The following RAPGEF4 variants were observed in gnomAD, a reference collection of about 807,000 sequenced individuals.
RAPGEF4 encodes RAP guanine-nucleotide-exchange factor (GEF) 4.
Under a neutral mutation model 147.9 loss-of-function variants are expected in RAPGEF4, and 66 were observed. That is an observed-to-expected ratio of 0.45 (90% confidence interval 0.37 to 0.55). The LOEUF (loss-of-function observed/expected upper bound fraction) is 0.55. Among genes scored for constraint, RAPGEF4 ranks in the 20% least tolerant of loss-of-function variants. RAPGEF4 has a pLI of 0.00. For synonymous variants in RAPGEF4, 419 were observed against 442.7 expected, an observed-to-expected ratio of 0.95 and a Z score of 0.67; for missense variants, 1,071 against 1,257.3, an observed-to-expected ratio of 0.85 and a Z score of 2.24.
chr2:172,845,136 T>G (rs1347278850), intron 4 of RAPGEF4, among the ~76,000 whole-genome samples: 2 of 152,180 alleles, frequency 1.3e-5, no homozygotes, highest in African/African-American at 4.8e-5. Context: ...CTAGGGCATT[T>G]GCAATAGGGA....
chr2:172,987,113 G>A (rs1692344097), intron 12 of RAPGEF4, among the ~76,000 whole-genome samples: 1 of 152,120 alleles, frequency 6.6e-6, no homozygotes, highest in African/African-American at 2.4e-5. Flanking sequence ...AGGAGTTCGA[G>A]ATCAGCCTGG....
intron 6 of RAPGEF4, among the ~76,000 whole-genome samples, chr2:172,959,259 T>C (rs1354526529): frequency 6.6e-6 from 1 of 152,174 alleles, no homozygotes; most frequent in Non-Finnish European, 1.5e-5. Context: ...GGAAATCTCT[T>C]TTGTTTGTTT....
In RAPGEF4 at chr2:172,934,803, G is replaced by T. The variant is rs145993372; in HGVS notation, c.537+12503G>T. 1.0e-3 allele frequency among the ~76,000 whole-genome samples: 157 copies of T among 151,896 alleles called. 1 individual carries two copies. The South Asian group carries it at 0.012, about 12-fold the overall frequency. ...ACCCCAACATTCTCCCTCTTCACAAGGCTACAGAATTATTAGGTTACTATA... is the reference window on the plus strand; with the variant it reads ...ACCCCAACATTCTCCCTCTTCACAATGCTACAGAATTATTAGGTTACTATA... On this transcript the variant is annotated intron_variant, in intron 6 of 30. Coordinates refer to ENST00000397081, the MANE Select transcript of RAPGEF4 (RefSeq NM_007023.4).
At chr2:172,946,741 A>G (rs751241969) in intron 6 of RAPGEF4, among the ~76,000 whole-genome samples, 15 of 152,184 alleles carry the variant, frequency 9.9e-5, no homozygotes, top group Non-Finnish European at 1.9e-4. Flanking sequence ...TTCTGACTCT[A>G]TAAAATACTT....
chr2:172,925,457 T>G (rs747924237), intron 6 of RAPGEF4, among the ~76,000 whole-genome samples: 2 of 152,228 alleles, frequency 1.3e-5, no homozygotes, highest in African/African-American at 4.8e-5. Flanking sequence ...TTATTTTGTC[T>G]ACTATTTATT....
chr2:172,930,825 A>G (rs1344356094), intron 6 of RAPGEF4, among the ~76,000 whole-genome samples: 1 of 152,212 alleles, frequency 6.6e-6, no homozygotes, highest in Non-Finnish European at 1.5e-5. Context: ...CCATCCAGAC[A>G]TAAAAGAAAC....
At chr2:172,784,384 G>A (rs535725951) in intron 1 of RAPGEF4, among the ~76,000 whole-genome samples, 26 of 152,106 alleles carry the variant, frequency 1.7e-4, no homozygotes, top group Admixed American at 7.9e-4. Context: ...CGGGCATGGT[G>A]GCAGGCCCCT....
rs752137976 is a variant in RAPGEF4, at chr2:172,996,446, C to A, written c.1491-20C>A. On this transcript the variant is annotated intron_variant, in intron 15 of 30. Coordinates refer to ENST00000397081, the MANE Select transcript of RAPGEF4 (RefSeq NM_007023.4). ...TTGCCCACTTTTGAAAAATTAATGG[C>A]ATTTTTGTTTCTTATCCAGGTATAC... 1 of 1,419,240 alleles carries A rather than the reference C, an allele frequency of 7.0e-7. No homozygotes were observed. Among genetic ancestry groups the A allele is most frequent in the Non-Finnish European group, 9.5e-7 (1 of 1,055,082 alleles). The allele number at this position is 1,419,240 out of a possible 1,614,324, so 87.9% of individuals were successfully genotyped here.
At chr2:172,772,648 C>T (rs1487504611) in intron 1 of RAPGEF4, among the ~76,000 whole-genome samples, 3 of 152,166 alleles carry the variant, frequency 2.0e-5, no homozygotes, top group African/African-American at 4.8e-5. Flanking sequence ...CCAGCTAAAA[C>T]ATTATTTTAA....
intron 1 of RAPGEF4, among the ~76,000 whole-genome samples, chr2:172,755,115 A>G (rs970810704): frequency 6.6e-6 from 1 of 152,156 alleles, no homozygotes; most frequent in Non-Finnish European, 1.5e-5. Context: ...ACCCTGAGGA[A>G]TACTCTGGGA....
intron 4 of RAPGEF4, among the ~76,000 whole-genome samples, chr2:172,826,974 A>AG (rs1689738650): frequency 6.6e-6 from 1 of 152,118 alleles, no homozygotes; most frequent in South Asian, 2.1e-4. Context: ...CAAAAAAAAA[A>AG]AGAAAAGTAT....
intron 29 of RAPGEF4, among the ~76,000 whole-genome samples, chr2:173,044,245 C>T (rs1316865356): frequency 7.8e-6 from 1 of 128,390 alleles, no homozygotes; most frequent in Non-Finnish European, 1.5e-5. Flanking sequence ...ATTGCCGTGG[C>T]ATTTGTAAAC....
intron 1 of RAPGEF4, among the ~76,000 whole-genome samples, chr2:172,773,413 T>C (rs941594786): frequency 6.6e-6 from 1 of 152,234 alleles, no homozygotes; most frequent in East Asian, 1.9e-4. Flanking sequence ...TTAGTGCTAC[T>C]TTCATGCAGT....
chr2:173,017,873 G>A (rs964650476), intron 21 of RAPGEF4, among the ~76,000 whole-genome samples: 1 of 152,158 alleles, frequency 6.6e-6, no homozygotes, highest in Non-Finnish European at 1.5e-5. Flanking sequence ...CCTGCCCAGG[G>A]ACAATGCTCT....
intron 1 of RAPGEF4, among the ~76,000 whole-genome samples, chr2:172,784,091 C>G (rs914008354): frequency 6.6e-6 from 1 of 152,136 alleles, no homozygotes; most frequent in Admixed American, 6.5e-5. Flanking sequence ...CACCTTGATA[C>G]TTGCTGTAGA....
intron 16 of RAPGEF4, among the ~76,000 whole-genome samples, chr2:173,000,887 G>T (rs2105799070): frequency 6.6e-6 from 1 of 150,564 alleles, no homozygotes; most frequent in South Asian, 2.2e-4. Context: ...ACATAAAAGA[G>T]AAAGGATTTT....
chr2:172,902,711 A>G (rs1404427033), intron 4 of RAPGEF4, among the ~76,000 whole-genome samples: 1 of 152,172 alleles, frequency 6.6e-6, no homozygotes, highest in Non-Finnish European at 1.5e-5. Context: ...CTAATCTGTT[A>G]TTTGATGATA....
intron 4 of RAPGEF4, among the ~76,000 whole-genome samples, chr2:172,903,977 C>T (rs928308542): frequency 4.8e-4 from 73 of 152,174 alleles, no homozygotes; most frequent in African/African-American, 1.6e-3. Flanking sequence ...CACTGCAGGG[C>T]GAGAAAGCAA....
intron 1 of RAPGEF4, among the ~76,000 whole-genome samples, 189 bp from the exon 2 acceptor site, chr2:172,794,836 G>C (rs1244882735): frequency 6.6e-6 from 1 of 152,248 alleles, no homozygotes; most frequent in Admixed American, 6.5e-5. Flanking sequence ...AAGGCGAATA[G>C]TTGGTAAAGC....
Sources: allele counts gnomAD v4.1 joint callset (sites outside exome capture counted in the v4.1 genomes callset), GRCh38; gene constraint gnomAD v4.1.1; transcripts MANE v1.5; gene names NCBI Gene and HGNC (gene_info 2026-07-23, HGNC 2026-07-21).